The following SEC14L1 variants were observed in gnomAD, a reference collection of about 807,000 sequenced individuals.
The protein encoded by SEC14L1 is SEC14 like lipid binding 1, also known as SEC14-like protein 1.
In SEC14L1, 48 loss-of-function variants were observed where a neutral mutation model predicts 85.3. The observed-to-expected ratio is 0.56, with a 90% confidence interval of 0.45 to 0.72. The LOEUF (loss-of-function observed/expected upper bound fraction) is 0.72, where lower values mean the gene tolerates loss of function less well. Among genes scored for constraint, SEC14L1 ranks in the 30% least tolerant of loss-of-function variants. The pLI, the probability that SEC14L1 is intolerant of heterozygous loss-of-function variation, is 0.00. For synonymous variants in SEC14L1, 391 were observed against 355.5 expected, an observed-to-expected ratio of 1.10 and a Z score of -1.12; for missense variants, 682 against 921.4, an observed-to-expected ratio of 0.74 and a Z score of 3.36.
intron 3 of SEC14L1, among the ~76,000 whole-genome samples, chr17:77,189,885 C>G (rs1278173580): frequency 6.6e-6 from 1 of 152,232 alleles, no homozygotes; most frequent in Non-Finnish European, 1.5e-5. Flanking sequence ...ACCTCAGACT[C>G]CCAAAGTGCT....
At chr17:77,115,901 A>C (rs1170762984) in intron 3 of SEC14L1, among the ~76,000 whole-genome samples, 1 of 150,256 alleles carries the variant, frequency 6.7e-6, no homozygotes, top group Non-Finnish European at 1.5e-5. Context: ...AAAGAAGACA[A>C]AAGTTTTGAC....
intron 7 of SEC14L1, 65 bp downstream of exon 7, chr17:77,194,976 CTGTT>C (rs773619752): frequency 9.6e-5 from 113 of 1,171,022 alleles, no homozygotes; most frequent in Non-Finnish European, 1.4e-4. Context: ...CGTTTTCTCT[CTGTT>C]TGCTCTGCCT....
At chr17:77,207,993 G>C (rs187492628) in intron 13 of SEC14L1, among the ~76,000 whole-genome samples, 1 of 152,160 alleles carries the variant, frequency 6.6e-6, no homozygotes, top group Non-Finnish European at 1.5e-5. Flanking sequence ...CATGGCACAC[G>C]GCGGTGGCTG....
upstream of SEC14L1, among the ~76,000 whole-genome samples, chr17:77,138,905 A>G (rs1972873490): frequency 6.6e-6 from 1 of 152,250 alleles, no homozygotes; most frequent in Non-Finnish European, 1.5e-5. Flanking sequence ...TAACTGAAGT[A>G]TAATATACAT....
chr17:77,105,369 G>GCC (rs1971885206), intron 3 of SEC14L1, among the ~76,000 whole-genome samples: 2 of 40,508 alleles, frequency 4.9e-5, no homozygotes, highest in African/African-American at 1.6e-4. Flanking sequence ...GCTCCTCGCT[G>GCC]ACCACCCCCC....
At chr17:77,104,695 G>A (rs1254728941) in intron 3 of SEC14L1, among the ~76,000 whole-genome samples, 1 of 150,660 alleles carries the variant, frequency 6.6e-6, no homozygotes, top group African/African-American at 2.4e-5. Context: ...GGAGGCTAAG[G>A]CAGGAGAATC....
In SEC14L1 at chr17:77,213,638, T is replaced by A. The variant is rs1224730636; in HGVS notation, c.2042+146T>A. On this transcript the variant is annotated intron_variant, in intron 16 of 16. Coordinates refer to ENST00000436233, the MANE Select transcript of SEC14L1 (RefSeq NM_001143998.2). This position sits in a 1 kb window ranked among gnomAD's most constrained non-coding sequence, Gnocchi z 7.1. ...CCAGGAGGGAGTGGCTTTGGGGTCA[T>A]TTGTTGGCACGGTGACTCCCTGCCT... is the stretch of plus-strand genomic sequence containing the variant. 9.9e-7 allele frequency: 1 copy of A among 1,011,484 alleles called. No individual in the cohort carries two copies. Among genetic ancestry groups the A allele is most frequent in the Admixed American group, 2.0e-5 (1 of 50,514 alleles). The allele number at this position is 1,011,484 out of a possible 1,614,324, so 62.7% of individuals were successfully genotyped here. A position where few individuals can be genotyped will look rare whatever the true frequency, so the allele number is the denominator to read the frequency against.
At chr17:77,111,070 G>A (rs1000818336) in intron 3 of SEC14L1, among the ~76,000 whole-genome samples, 7 of 151,528 alleles carry the variant, frequency 4.6e-5, no homozygotes, top group African/African-American at 9.7e-5. Flanking sequence ...GCAGGCACCC[G>A]TAATCCCAGC....
chr17:77,143,549 T>TA lies in SEC14L1; in HGVS notation c.-30-17dup. On this transcript the variant is annotated splice_polypyrimidine_tract_variant and intron_variant, in intron 2 of 16. Coordinates refer to ENST00000436233, the MANE Select transcript of SEC14L1 (RefSeq NM_001143998.2). The stretch of plus-strand genomic sequence containing the variant: ...TTCTGCATTGTGGTTACTTATCACA[T>TA]ATATTTATGTTTTGCAGGTGTGAGA... The TA allele has an allele frequency of 1.4e-6, 2 of 1,477,000 alleles. No homozygotes were observed. Among genetic ancestry groups the TA allele is most frequent in the Non-Finnish European group, 1.9e-6 (2 of 1,057,062 alleles). 91.5% of individuals were successfully genotyped at this position (1,477,000 alleles called of 1,614,324 possible). A position where few individuals can be genotyped will look rare whatever the true frequency, so the allele number is the denominator to read the frequency against.
intron 3 of SEC14L1, chr17:77,181,236 G>GT (rs1299075876): frequency 6.6e-6 from 1 of 152,292 alleles, no homozygotes; most frequent in Non-Finnish European, 1.5e-5. Flanking sequence ...CTCTCTCTGG[G>GT]TTTCTCTTTA....
intron 3 of SEC14L1, among the ~76,000 whole-genome samples, chr17:77,154,136 A>C (rs892161159): frequency 2.6e-5 from 4 of 152,252 alleles, no homozygotes; most frequent in Admixed American, 2.6e-4. Flanking sequence ...CATAGCATTT[A>C]CATTGTATTT....
At chr17:77,136,647 C>T (rs1972808198), upstream of SEC14L1, among the ~76,000 whole-genome samples, 2 of 152,164 alleles carry the variant, frequency 1.3e-5, no homozygotes, top group South Asian at 2.1e-4. Flanking sequence ...GGTGTGCACG[C>T]ATGTGTGTGC....
At chr17:77,179,928 C>T (rs1183470416) in intron 3 of SEC14L1, among the ~76,000 whole-genome samples, 1 of 152,108 alleles carries the variant, frequency 6.6e-6, no homozygotes, top group East Asian at 1.9e-4. Context: ...CCGCCCGCCT[C>T]AGCCTCCCAA....
intron 3 of SEC14L1, among the ~76,000 whole-genome samples, chr17:77,112,016 G>T (rs1972059406): frequency 6.6e-6 from 1 of 152,194 alleles, no homozygotes. Flanking sequence ...AGTGTCCTGG[G>T]AGGAACCCGG....
intron 3 of SEC14L1, among the ~76,000 whole-genome samples, chr17:77,131,893 T>C (rs1371660082): frequency 1.3e-5 from 2 of 152,216 alleles, no homozygotes; most frequent in Non-Finnish European, 2.9e-5. Flanking sequence ...CAACTAGTCA[T>C]AGGGAGTTTG....
At chr17:77,146,072 C>T (rs192657145) in intron 3 of SEC14L1, among the ~76,000 whole-genome samples, 1 of 152,306 alleles carries the variant, frequency 6.6e-6, no homozygotes, top group Admixed American at 6.5e-5. Flanking sequence ...CATTCCCCAC[C>T]CCGACCCCTG....
rs1380025437 is a variant in SEC14L1, at chr17:77,194,777, C to T, written c.575C>T (p.Thr192Ile). 10 of 1,614,196 alleles carry T rather than the reference C, an allele frequency of 6.2e-6. No individual in the cohort carries two copies. The highest frequency in any genetic ancestry group is 8.5e-6 in the Non-Finnish European group (10 of 1,179,998). The change falls in exon 7 of 17, where the codon ACA becomes ATA. Residue 192 changes from threonine to isoleucine, a missense_variant. Thr to Ile is a moderately conservative substitution (Grantham distance 89). Transcript: ENST00000436233. ...CCTTCCATCACGACCTCTTCAGAGA[C>T]ATCTTCATCATCCTCCAAGAAACAA... ...SPPSITTSSE[T>I]SSSSSKKQAA...
At chr17:77,208,391 T>C (rs1399147731) in intron 13 of SEC14L1, among the ~76,000 whole-genome samples, 1 of 152,244 alleles carries the variant, frequency 6.6e-6, no homozygotes, top group Non-Finnish European at 1.5e-5. Flanking sequence ...CTTCCAATTA[T>C]GACACGAAGA....
intron 3 of SEC14L1, among the ~76,000 whole-genome samples, chr17:77,155,987 C>T (rs1014445661): frequency 2.4e-4 from 37 of 152,186 alleles, no homozygotes; most frequent in Admixed American, 2.0e-3. Context: ...GGCGAGGCCT[C>T]CACACCCACT....
Sources: gnomAD v4.1 joint callset for allele counts (sites outside exome capture counted in the v4.1 genomes callset) on GRCh38, gnomAD v4.1.1 for gene constraint, Gnocchi (gnomAD v3.1) non-coding constraint, MANE v1.5 for transcripts, NCBI Gene and HGNC (gene_info 2026-07-23, HGNC 2026-07-21) for gene names.